The following SYT9 variants were observed in gnomAD, a reference collection of about 807,000 sequenced individuals.
SYT9 encodes the protein synaptotagmin-9.
SYT9 carries 22 observed loss-of-function variants against 48.4 expected under a neutral mutation model. The observed-to-expected ratio is 0.45, with a 90% CI of 0.32 to 0.65. SYT9 has a LOEUF of 0.65. SYT9 is among the 30% of genes least tolerant of loss of function. The pLI, the probability that SYT9 is intolerant of heterozygous loss-of-function variation, is 0.03. For missense variants in SYT9, 577 were observed against 622.0 expected (o/e 0.93, Z 0.77); for synonymous variants, 265 against 245.0 (o/e 1.08, Z -0.76).
At chr11:7,373,216 A>T (rs1200858185) in intron 3 of SYT9, among the ~76,000 whole-genome samples, 1 of 152,062 alleles carries the variant, frequency 6.6e-6, no homozygotes, top group African/African-American at 2.4e-5. Context: ...TATTGTTTTG[A>T]TGGATATGCT....
intron 6 of SYT9, among the ~76,000 whole-genome samples, chr11:7,464,962 C>A (rs564729763): frequency 2.6e-4 from 40 of 151,686 alleles, no homozygotes; most frequent in Middle Eastern, 6.9e-3. Context: ...GTGGCGGGCG[C>A]CTGTAGTCCC....
chr11:7,349,010 G>T (rs1178222507), intron 3 of SYT9, among the ~76,000 whole-genome samples: 5 of 152,042 alleles, frequency 3.3e-5, no homozygotes, highest in African/African-American at 1.2e-4. Flanking sequence ...CTGTCAGGCA[G>T]AGGGGCCACA....
At chr11:7,250,448 G>GCCCCCCCCCC (rs1360759775), upstream of SYT9, among the ~76,000 whole-genome samples, 1 of 69,350 alleles carries the variant, frequency 1.4e-5, no homozygotes, top group Non-Finnish European at 3.0e-5. Context: ...TGTCCCCCCC[G>GCCCCCCCCCC]CCACCCCCCC....
At chr11:7,416,285 T>G in intron 4 of SYT9, 123 bp downstream of exon 4, 2 of 1,146,002 alleles carry the variant, frequency 1.7e-6, no homozygotes, top group Non-Finnish European at 2.5e-6. Context: ...TTAGCCCTAG[T>G]CCTAACACCT....
intron 3 of SYT9, among the ~76,000 whole-genome samples, chr11:7,411,235 CCT>C (rs1190677556): frequency 1.3e-5 from 2 of 152,230 alleles, no homozygotes; most frequent in East Asian, 3.9e-4. Context: ...GTTCTTTATT[CCT>C]CTCTTTTTTT....
chr11:7,437,536 C>T (rs773907104), intron 6 of SYT9: 2 of 152,002 alleles, frequency 1.3e-5, no homozygotes, highest in African/African-American at 2.4e-5. Flanking sequence ...ACTTTGAAAA[C>T]GACCACTGTA....
chr11:7,386,873 C>G (rs1378921767), intron 3 of SYT9, among the ~76,000 whole-genome samples: 2 of 152,122 alleles, frequency 1.3e-5, no homozygotes, highest in African/African-American at 4.8e-5. Context: ...GCACTATTCA[C>G]AATAGCAAAG....
chr11:7,324,265 A>T (rs758967307), intron 3 of SYT9, among the ~76,000 whole-genome samples: 3 of 151,702 alleles, frequency 2.0e-5, no homozygotes, highest in Non-Finnish European at 4.4e-5. Flanking sequence ...TTATGTCCTT[A>T]TTCTCATTTC....
intron 3 of SYT9, among the ~76,000 whole-genome samples, chr11:7,356,950 TTTAA>T (rs369643059): frequency 1.6e-4 from 25 of 152,298 alleles, no homozygotes; most frequent in African/African-American, 5.8e-4. Context: ...CAGATTGTTA[TTTAA>T]TTAAAATAGT....
chr11:7,246,395 A>T (rs1847791661), intron 1 of SYT9, among the ~76,000 whole-genome samples: 1 of 152,226 alleles, frequency 6.6e-6, no homozygotes, highest in African/African-American at 2.4e-5. Flanking sequence ...GTCACAGGGG[A>T]CTTCCTCTGT....
intron 3 of SYT9, among the ~76,000 whole-genome samples, chr11:7,336,982 G>A (rs190388083): frequency 1.4e-4 from 21 of 152,246 alleles, no homozygotes; most frequent in African/African-American, 2.9e-4. Flanking sequence ...CCATGAGCAC[G>A]GAATGTTTTT....
intron 3 of SYT9, among the ~76,000 whole-genome samples, chr11:7,402,405 G>T (rs1846910961): frequency 1.3e-5 from 2 of 152,010 alleles, no homozygotes; most frequent in South Asian, 2.1e-4. Flanking sequence ...CGTATGTTCA[G>T]TCAATTACTA....
intron 3 of SYT9, among the ~76,000 whole-genome samples, chr11:7,388,637 T>A (rs918241677): frequency 6.6e-5 from 10 of 152,172 alleles, no homozygotes; most frequent in African/African-American, 2.4e-4. Context: ...TCAATATAAT[T>A]TTTTAGCATT....
chr11:7,250,015 CTTTCA>C (rs547826653), upstream of SYT9, among the ~76,000 whole-genome samples: 118 of 152,310 alleles, frequency 7.7e-4, no homozygotes, highest in African/African-American at 2.6e-3. Context: ...CCAATCTCCT[CTTTCA>C]TTTCTTCAAC....
intron 1 of SYT9, among the ~76,000 whole-genome samples, chr11:7,256,305 A>T (rs1279703486): frequency 6.6e-6 from 1 of 152,208 alleles, no homozygotes; most frequent in African/African-American, 2.4e-5. Flanking sequence ...CAGCAGCAGC[A>T]GCTGCTGGGA....
intron 3 of SYT9, among the ~76,000 whole-genome samples, chr11:7,328,074 A>T (rs926889655): frequency 6.5e-4 from 6 of 9,258 alleles, no homozygotes; most frequent in South Asian, 0.05. Context: ...AAGTATAATT[A>T]AAAATAATAA....
At chr11:7,435,671 A>C (rs1029936876) in intron 6 of SYT9, 2 of 152,254 alleles carry the variant, frequency 1.3e-5, no homozygotes, top group Admixed American at 6.5e-5. Context: ...AGACTGATAT[A>C]ACTTCTTGAT....
intron 1 of SYT9, among the ~76,000 whole-genome samples, chr11:7,265,350 G>T (rs567602946): frequency 6.6e-6 from 1 of 152,150 alleles, no homozygotes; most frequent in Non-Finnish European, 1.5e-5. Flanking sequence ...GCGATTGAAT[G>T]TCAAGGCCCC....
At chr11:7,413,784 G>C (rs1433758985) in intron 3 of SYT9, among the ~76,000 whole-genome samples, 1 of 148,498 alleles carries the variant, frequency 6.7e-6, no homozygotes. Flanking sequence ...CTTTTTAAGA[G>C]ACAGCATCTT....
Sources: allele counts gnomAD v4.1 joint callset (sites outside exome capture counted in the v4.1 genomes callset), GRCh38; gene constraint gnomAD v4.1.1; transcripts MANE v1.5; gene names NCBI Gene and HGNC (gene_info 2026-07-23, HGNC 2026-07-21).